The following KIF20A variants were observed in gnomAD, a reference collection of about 807,000 sequenced individuals.
The protein encoded by KIF20A is kinesin-like protein KIF20A.
KIF20A carries 66 observed loss-of-function variants against 113.0 expected under a neutral mutation model. That is an observed-to-expected ratio of 0.58 (90% CI 0.48 to 0.72). The LOEUF (loss-of-function observed/expected upper bound fraction) is 0.72, where lower values mean the gene tolerates loss of function less well. Ranked by LOEUF, KIF20A falls within the 30% of genes least tolerant of loss-of-function variation. The probability of loss-of-function intolerance (pLI) is 0.00; values close to 1 mark genes in which losing one functional copy is unlikely to be tolerated. For missense variants in KIF20A, 927 were observed against 1,077.6 expected (o/e 0.86, Z 1.96); for synonymous variants, 376 against 402.3 (o/e 0.93, Z 0.78).
chr5:138,182,957 ATCAG>A lies in KIF20A; in HGVS notation c.805_808del (p.Gln269ValfsTer48). On this transcript the variant is annotated frameshift_variant, in exon 7 of 19. Transcript: ENST00000394894. LOFTEE classifies it high-confidence loss of function. ...CAGTGGCATTGCTGGGCTCTCTTCT[ATCAG>A]TCAGTGTACCAGCAGTAGCCAGCTG... The A allele has an allele frequency of 1.9e-6, 3 of 1,614,200 alleles. No individual in the cohort carries two copies. Among genetic ancestry groups the A allele is most frequent in the South Asian group, 1.1e-5 (1 of 91,086 alleles).
chr5:138,181,889 A>G lies in KIF20A; in HGVS notation c.375+161A>G. ...TGTGTTAGTCAATGTGTCAAGTAAC[A>G]TATGTATATCAGTTCTGAAAAATTC... On this transcript the variant is annotated intron_variant, in intron 4 of 18. Transcript: ENST00000394894. 5.6e-6 allele frequency: 4 copies of G among 714,000 alleles called. No homozygotes were observed. In the South Asian group the frequency reaches 5.6e-5, roughly 10 times the overall value. 44.2% of individuals were successfully genotyped at this position (714,000 alleles called of 1,614,324 possible). A position where few individuals can be genotyped will look rare whatever the true frequency, so the allele number is the denominator to read the frequency against.
Position 138,179,880 on chromosome 5 carries a change from G to A in KIF20A, c.165+35G>A. On this transcript the variant is annotated intron_variant, in intron 2 of 18. Coordinates refer to ENST00000394894, the MANE Select transcript of KIF20A (RefSeq NM_005733.3). ...CTGGGGAGTGGCTGGGGCGGAAAGT[G>A]ATATCCTCAGGCCAATAATTGTCCA... The A allele has an allele frequency of 1.9e-6, 3 of 1,606,850 alleles. No individual in the cohort carries two copies. In the South Asian group the frequency reaches 3.3e-5, roughly 18 times the overall value.
In KIF20A at chr5:138,179,547, G is replaced by GAAGT. The variant is rs1754599961; in HGVS notation, c.-21-111_-21-108dup. On this transcript the variant is annotated intron_variant, in intron 1 of 18. Transcript: ENST00000394894. ...CTTTGCCGATAATTGGAGGGGAAAAGAAGTAGGAAGCGGGACACGGTGTCC... is the reference window on the plus strand; with the variant it reads ...CTTTGCCGATAATTGGAGGGGAAAAGAAGTAAGTAGGAAGCGGGACACGGTGTCC... 9 of 749,940 alleles carry GAAGT rather than the reference G, an allele frequency of 1.2e-5. No homozygotes were observed. The South Asian group carries it at 1.6e-4, about 13-fold the overall frequency. The allele number at this position is 749,940 out of a possible 1,614,324, so 46.5% of individuals were successfully genotyped here. A position where few individuals can be genotyped will look rare whatever the true frequency, so the allele number is the denominator to read the frequency against.
chr5:138,179,477 C>T (rs1754597405), intron 1 of KIF20A, 183 bp from the exon 2 acceptor site: 2 of 556,448 alleles, frequency 3.6e-6, no homozygotes, highest in Admixed American at 3.1e-5. Flanking sequence ...CCGCCTCAAA[C>T]TTCTCTCAAT....
chr5:138,184,725 T>C, intron 13 of KIF20A, 49 bp downstream of exon 13: 1 of 1,610,386 alleles, frequency 6.2e-7, no homozygotes, highest in South Asian at 1.1e-5. Context: ...GCTACACATT[T>C]TTCCATGGTG....
Position 138,182,614 on chromosome 5 carries a change from C to A in KIF20A, c.543C>A (p.Pro181=), listed in dbSNP as rs1340332278. The A allele has an allele frequency of 6.2e-7, 1 of 1,614,190 alleles. No homozygotes were observed. Among genetic ancestry groups the A allele is most frequent in the Admixed American group, 1.7e-5 (1 of 60,020 alleles). Residue 181 remains proline, a synonymous_variant, in exon 6 of 19, where the codon CCC becomes CCA. Coordinates refer to ENST00000394894, the MANE Select transcript of KIF20A (RefSeq NM_005733.3). ...CCATCAAGGATGGAGGGATTCTCCC[C>A]CGGTCCCTGGCGCTGATCTTCAATA... ...QGTIKDGGIL[P]RSLALIFNSL...
chr5:138,185,856 C>A, intron 16 of KIF20A, 105 bp from the exon 17 acceptor site: 1 of 1,311,826 alleles, frequency 7.6e-7, no homozygotes. Context: ...TACACATAGC[C>A]TCACTTTTTA....
In KIF20A at chr5:138,184,495, A is replaced by T. The variant is rs371654649; in HGVS notation, c.1519-17A>T. 9.9e-6 allele frequency: 16 copies of T among 1,610,002 alleles called. No individual in the cohort carries two copies. Among genetic ancestry groups the T allele is most frequent in the Non-Finnish European group, 1.2e-5 (14 of 1,176,852 alleles). On this transcript the variant is annotated splice_polypyrimidine_tract_variant and intron_variant, in intron 12 of 18. Coordinates refer to ENST00000394894, the MANE Select transcript of KIF20A (RefSeq NM_005733.3). ...GACTACTTATGGAGTCAAGTAAGATATTTTTTTTCCCTCTAGCTTGTGCAT... is the reference window on the plus strand; with the variant it reads ...GACTACTTATGGAGTCAAGTAAGATTTTTTTTTTCCCTCTAGCTTGTGCAT...
rs1754712016 is a variant in KIF20A at position 138,184,497 on chromosome 5, T to A, written c.1519-15T>A. 3.1e-6 allele frequency: 5 copies of A among 1,610,810 alleles called. No individual in the cohort carries two copies. Among genetic ancestry groups the A allele is most frequent in the South Asian group, 1.1e-5 (1 of 91,042 alleles). Reference sequence around the variant, plus strand: ...CTACTTATGGAGTCAAGTAAGATATTTTTTTTCCCTCTAGCTTGTGCATGC... The same window carrying A: ...CTACTTATGGAGTCAAGTAAGATATATTTTTTCCCTCTAGCTTGTGCATGC... On this transcript the variant is annotated splice_polypyrimidine_tract_variant and intron_variant, in intron 12 of 18. Transcript: ENST00000394894.
intron 2 of KIF20A, 89 bp downstream of exon 2, chr5:138,179,934 C>A: frequency 7.5e-7 from 1 of 1,338,158 alleles, no homozygotes; most frequent in Non-Finnish European, 1.0e-6. Flanking sequence ...CAAAGACTAG[C>A]AATCCTAAAG....
In KIF20A at chr5:138,186,487, T is replaced by G. The variant is rs1455099817; in HGVS notation, c.2355+56T>G. 7 of 1,548,956 alleles carry G rather than the reference T, an allele frequency of 4.5e-6. No homozygotes were observed. The Admixed American group carries it at 6.9e-5, about 15-fold the overall frequency. On this transcript the variant is annotated intron_variant, in intron 18 of 18. Coordinates refer to ENST00000394894, the MANE Select transcript of KIF20A (RefSeq NM_005733.3). ...CTACCAGCCCACTCCAGTGTATATG[T>G]GAGAAAGGAAAGAGGACCAGAAGAA...
chr5:138,185,190 A>G lies in KIF20A; in HGVS notation c.1919A>G (p.Glu640Gly), dbSNP rs755459297. 1 of 1,610,574 alleles carries G rather than the reference A, an allele frequency of 6.2e-7. No homozygotes were observed. The highest frequency in any genetic ancestry group is 8.5e-7 in the Non-Finnish European group (1 of 1,176,986). Reference sequence around the variant, plus strand: ...TCACTGACAAGTTTTTACCAAGAAGAGATTCAGGTGAGTTGCCCTGAGCCA... The same window carrying G: ...TCACTGACAAGTTTTTACCAAGAAGGGATTCAGGTGAGTTGCCCTGAGCCA... Reference protein sequence around the residue: ...KESLTSFYQEEIQERDEKIEE... With the variant: ...KESLTSFYQEGIQERDEKIEE... Residue 640 changes from glutamate to glycine, a missense_variant, in exon 15 of 19, where the codon GAG (glutamate) becomes GGG (glycine). Transcript: ENST00000394894.
chr5:138,181,911 A>G, intron 4 of KIF20A, 183 bp downstream of exon 4: 1 of 642,074 alleles, frequency 1.6e-6, no homozygotes, highest in Non-Finnish European at 2.7e-6. Context: ...GTTCTGAAAA[A>G]TTCTATTGTT....
rs771885347 is a variant in KIF20A, at chr5:138,185,693, T to A, written c.2108T>A (p.Leu703Gln). Residue 703 changes from leucine to glutamine, a missense_variant, in exon 16 of 19, where the codon CTA becomes CAA. Leu to Gln is a moderately radical substitution (Grantham distance 113). Transcript: ENST00000394894. ...AAATTACAGCAGTGCAAAGCAGAGC[T>A]AAACTCTACCACTGAAGGTGAGGAA... ...KAKLQQCKAELNSTTEELHKY... is the reference protein window; with the variant it reads ...KAKLQQCKAEQNSTTEELHKY... 6.2e-7 allele frequency: 1 copy of A among 1,614,056 alleles called. No homozygotes were observed. The highest frequency in any genetic ancestry group is 1.3e-5 in the African/African-American group (1 of 74,948).
At chr5:138,181,538 A>C (rs1754660969) in intron 3 of KIF20A, 27 bp downstream of exon 3, 4 of 1,613,840 alleles carry the variant, frequency 2.5e-6, no homozygotes, top group Non-Finnish European at 3.4e-6. Context: ...GGAGGATTCA[A>C]GGTGAAATGA....
chr5:138,181,890 T>A, intron 4 of KIF20A, 162 bp downstream of exon 4: 2 of 706,454 alleles, frequency 2.8e-6, no homozygotes, highest in East Asian at 5.3e-5. Flanking sequence ...TCAAGTAACA[T>A]ATGTATATCA....
rs1754740552 is a variant in KIF20A, at chr5:138,186,110, A to C, written c.2217+58A>C. On this transcript the variant is annotated intron_variant, in intron 17 of 18. Transcript: ENST00000394894. ...TTACCTAAGGCAATTTCCCACATCCAACACTCTATCACTGGTTCATGTGAA... is the reference window on the plus strand; with the variant it reads ...TTACCTAAGGCAATTTCCCACATCCCACACTCTATCACTGGTTCATGTGAA... 3.3e-6 allele frequency: 5 copies of C among 1,536,884 alleles called. No homozygotes were observed. In the South Asian group the frequency reaches 3.4e-5, roughly 10 times the overall value.
Position 138,185,566 on chromosome 5 carries a change from C to CA in KIF20A, c.1982dup (p.Ser662ValfsTer10), listed in dbSNP as rs1754730671. On this transcript the variant is annotated frameshift_variant, in exon 16 of 19. Coordinates refer to ENST00000394894, the MANE Select transcript of KIF20A (RefSeq NM_005733.3). LOFTEE classifies it high-confidence loss of function. ...AGCTCTCTTGCAGGAAGCCAGACAA[C>CA]AGTCAGTGGCCCATCAGCAATCAGG... The CA allele has an allele frequency of 6.2e-7, 1 of 1,613,986 alleles. No individual in the cohort carries two copies. The highest frequency in any genetic ancestry group is 1.3e-5 in the African/African-American group (1 of 74,942).
At position 138,182,578 on chromosome 5, in the gene KIF20A, G is replaced by T; in HGVS notation, c.515-8G>T. 1 of 1,613,994 alleles carries T rather than the reference G, an allele frequency of 6.2e-7. No individual in the cohort carries two copies. The highest frequency in any genetic ancestry group is 8.5e-7 in the Non-Finnish European group (1 of 1,179,940). ...TGCCTCAGCTGTCCATCTTTCATAT[G>T]CCTCCAGGTACCATCAAGGATGGAG... On this transcript the variant is annotated splice_polypyrimidine_tract_variant and splice_region_variant and intron_variant, in intron 5 of 18. Coordinates refer to ENST00000394894, the MANE Select transcript of KIF20A (RefSeq NM_005733.3).
Sources: allele counts gnomAD v4.1 joint callset, GRCh38; gene constraint gnomAD v4.1.1; transcripts MANE v1.5; gene names NCBI Gene and HGNC (gene_info 2026-07-23, HGNC 2026-07-21).